GABRB3: variants seen among roughly 807,000 people sequenced by gnomAD.
GABRB3 encodes the protein gamma-aminobutyric acid receptor subunit beta-3.
In GABRB3, 14 loss-of-function variants were observed where a neutral mutation model predicts 52.1. That is an observed-to-expected ratio of 0.27 (90% CI 0.18 to 0.42). The LOEUF (loss-of-function observed/expected upper bound fraction) is 0.42, where lower values mean the gene tolerates loss of function less well. GABRB3 is among the 10% of genes least tolerant of loss of function. The pLI is 1.00. For missense variants in GABRB3, 307 were observed against 609.1 expected, an observed-to-expected ratio of 0.50 and a Z score of 5.22; for synonymous variants, 260 against 232.3, an observed-to-expected ratio of 1.12 and a Z score of -1.08.
chr15:26,710,378 C>T (rs1176883272), intron 3 of GABRB3, among the ~76,000 whole-genome samples: 1 of 152,192 alleles, frequency 6.6e-6, no homozygotes, highest in African/African-American at 2.4e-5. Flanking sequence ...TCTTCTGCCT[C>T]AGCCTCTCCA....
intron 8 of GABRB3, among the ~76,000 whole-genome samples, chr15:26,548,389 T>C (rs1316115401): frequency 6.6e-6 from 1 of 152,310 alleles, no homozygotes; most frequent in Admixed American, 6.5e-5. Context: ...CTTTTTCAAA[T>C]TGCAATTTCA....
intron 7 of GABRB3, among the ~76,000 whole-genome samples, chr15:26,565,826 T>C (rs776167602): frequency 1.3e-5 from 2 of 152,198 alleles, no homozygotes; most frequent in African/African-American, 2.4e-5. Context: ...AAATTCTCTG[T>C]AGCAGATGCT....
At chr15:26,725,125 T>C (rs1889737403) in intron 3 of GABRB3, among the ~76,000 whole-genome samples, 1 of 152,182 alleles carries the variant, frequency 6.6e-6, no homozygotes, top group African/African-American at 2.4e-5. Context: ...ACATAGCTCA[T>C]GCTACAGGTA....
intron 3 of GABRB3, among the ~76,000 whole-genome samples, chr15:26,754,535 C>T (rs879732570): frequency 2.6e-5 from 4 of 152,290 alleles, no homozygotes; most frequent in Admixed American, 6.5e-5. Flanking sequence ...TTCCCAATTA[C>T]ATGTTAATAG....
chr15:26,755,337 C>A (rs771282438), intron 3 of GABRB3, among the ~76,000 whole-genome samples: 3 of 152,032 alleles, frequency 2.0e-5, no homozygotes, highest in African/African-American at 7.2e-5. Context: ...ACTTCTTAGG[C>A]CTGACTTCTG....
At chr15:26,688,118 G>A (rs1888464190) in intron 3 of GABRB3, among the ~76,000 whole-genome samples, 1 of 152,154 alleles carries the variant, frequency 6.6e-6, no homozygotes, top group African/African-American at 2.4e-5. Context: ...CTCAAAATCT[G>A]TCATTAATTA....
At chr15:26,616,052 C>T (rs1892245239) in intron 4 of GABRB3, 1 of 1,289,060 alleles carries the variant, frequency 7.8e-7, no homozygotes, top group African/African-American at 1.5e-5. Flanking sequence ...CAGGCCAGGG[C>T]CATAGTACCT....
rs533837520 is a variant in GABRB3 at position 26,763,868 on chromosome 15, G to A, written c.240+8534C>T. 2.5e-3 allele frequency among the ~76,000 whole-genome samples: 377 copies of A among 151,958 alleles called. 2 individuals are homozygous for A. Among genetic ancestry groups the A allele is most frequent in the Non-Finnish European group, 4.5e-3 (303 of 67,966 alleles). On this transcript the variant is annotated intron_variant, in intron 3 of 8. Coordinates refer to ENST00000311550, the MANE Select transcript of GABRB3 (RefSeq NM_000814.6). ...CAAAATAAAATAAAACAAATGGACC[G>A]GGCATGGTGGCTCACACCTGTCATT...
In GABRB3 at chr15:26,772,364, G is replaced by A. The variant is rs1026847082; in HGVS notation, c.240+38C>T. ...CGCCTGTGATCCCAGACAGCGGGCCGGGGGCTCAGGGACCGCCCTGGGAGG... is the reference window on the plus strand; with the variant it reads ...CGCCTGTGATCCCAGACAGCGGGCCAGGGGCTCAGGGACCGCCCTGGGAGG... On this transcript the variant is annotated intron_variant, in intron 3 of 8. Transcript: ENST00000311550. 3.2e-6 allele frequency: 5 copies of A among 1,560,578 alleles called. No homozygotes were observed. In the African/African-American group the frequency reaches 5.4e-5, roughly 17 times the overall value.
rs35144564 is a variant in GABRB3 at position 26,601,413 on chromosome 15, GAA to G, written c.462-18001_462-18000del. ...CGACACAGCGAAACTCCGTCTCAAA[GAA>G]AAAAAAAAAATTGAAAGGATTCAAG... On this transcript the variant is annotated intron_variant, in intron 4 of 8. Coordinates refer to ENST00000311550, the MANE Select transcript of GABRB3 (RefSeq NM_000814.6). Among the ~76,000 whole-genome samples the G allele has an allele frequency of 4.6e-4, 64 of 138,540 alleles. 1 individual carries two copies. Among genetic ancestry groups the G allele is most frequent in the Admixed American group, 1.7e-3 (24 of 14,036 alleles). The allele number at this position is 138,540 out of a possible 152,430, so 90.9% of individuals were successfully genotyped here.
intron 4 of GABRB3, among the ~76,000 whole-genome samples, chr15:26,586,704 A>T (rs75947139): frequency 2.9e-5 from 3 of 102,252 alleles, no homozygotes; most frequent in African/African-American, 9.2e-5. Flanking sequence ...AAAAAAAAAA[A>T]AGAGAGAGAG....
At chr15:26,670,984 T>G (rs1057170419) in intron 3 of GABRB3, among the ~76,000 whole-genome samples, 20 of 152,182 alleles carry the variant, frequency 1.3e-4, no homozygotes, top group African/African-American at 4.6e-4. Context: ...GCTCAAGTGA[T>G]CCTCCTGCCT....
rs192019382 is a variant in GABRB3, at chr15:26,708,792, T to A, written c.240+63610A>T. On this transcript the variant is annotated intron_variant, in intron 3 of 8. Transcript: ENST00000311550. ...TCCTGGTTCCACCAGTTAAAAGTTG[T>A]GTGACCTTAGGCAAGGTATATAAAA... 2.6e-5 allele frequency among the ~76,000 whole-genome samples: 4 copies of A among 152,302 alleles called. No individual in the cohort carries two copies. The East Asian group carries it at 7.8e-4, about 30-fold the overall frequency.
intron 8 of GABRB3, among the ~76,000 whole-genome samples, chr15:26,554,683 T>C (rs1046980045): frequency 6.6e-5 from 10 of 152,282 alleles, no homozygotes; most frequent in Non-Finnish European, 1.2e-4. Context: ...GTCCGCGTCA[T>C]GGGTGTGCAT....
At chr15:26,616,016 T>C (rs1243972296) in intron 4 of GABRB3, 14 of 1,289,102 alleles carry the variant, frequency 1.1e-5, no homozygotes, top group Middle Eastern at 2.1e-4. Context: ...TTAACTTCAG[T>C]GTTCTCAGCT....
intron 8 of GABRB3, 116 bp downstream of exon 8, chr15:26,560,816 A>G (rs1162252430): frequency 1.4e-6 from 2 of 1,441,752 alleles, no homozygotes; most frequent in Non-Finnish European, 9.7e-7. Flanking sequence ...AAGTACAAGA[A>G]GGGTGTGTGG....
Position 26,754,190 on chromosome 15 carries a change from C to T in GABRB3, c.240+18212G>A, listed in dbSNP as rs145053371. Among the ~76,000 whole-genome samples, 292 of 152,020 alleles carry T rather than the reference C, an allele frequency of 1.9e-3. 3 individuals carry two copies. Among genetic ancestry groups the T allele is most frequent in the East Asian group, 7.7e-3 (40 of 5,164 alleles). ...CAGAATCAGGCAATTAAGCACGAGT[C>T]GAACTAAAATTTCTGAAAGAGCAGA... On this transcript the variant is annotated intron_variant, in intron 3 of 8. Transcript: ENST00000311550.
At chr15:26,704,700 T>C (rs563033402) in intron 3 of GABRB3, among the ~76,000 whole-genome samples, 44 of 152,362 alleles carry the variant, frequency 2.9e-4, no homozygotes, top group Middle Eastern at 3.4e-3. Context: ...TTGCTTTTAA[T>C]TGCTGCCTTC....
At chr15:26,567,846 G>C in intron 6 of GABRB3, 113 bp from the exon 7 acceptor site, 1 of 1,005,730 alleles carries the variant, frequency 9.9e-7, no homozygotes, top group South Asian at 1.3e-5. Context: ...CGAATAAAGG[G>C]GTGACCCACC....
Sources: allele counts gnomAD v4.1 joint callset (sites outside exome capture counted in the v4.1 genomes callset), GRCh38; gene constraint gnomAD v4.1.1; transcripts MANE v1.5; gene names NCBI Gene and HGNC (gene_info 2026-07-23, HGNC 2026-07-21).